Variants in TOX3 observed in about 807,000 individuals in gnomAD.
TOX3 encodes the protein CAG trinucleotide repeat-containing gene F9 protein.
TOX3 carries 22 observed loss-of-function variants against 64.3 expected under a neutral mutation model. The observed-to-expected ratio is 0.34, with a 90% CI of 0.24 to 0.49. TOX3 has a LOEUF of 0.49. Ranked by LOEUF, TOX3 falls within the 20% of genes least tolerant of loss-of-function variation. The probability of loss-of-function intolerance (pLI) is 0.99; values close to 1 mark genes in which losing one functional copy is unlikely to be tolerated. For missense variants in TOX3, 661 were observed against 714.4 expected, an observed-to-expected ratio of 0.93 and a Z score of 0.85; for synonymous variants, 291 against 273.6, an observed-to-expected ratio of 1.06 and a Z score of -0.63.
chr16:52,492,264 T>G (rs1961708380), intron 1 of TOX3, among the ~76,000 whole-genome samples: 2 of 146,950 alleles, frequency 1.4e-5, no homozygotes, highest in East Asian at 3.9e-4. Context: ...ACAATATAAA[T>G]ATATAATGGT....
intron 1 of TOX3, 68 bp downstream of exon 1, chr16:52,546,569 G>A (rs1380204156): frequency 1.4e-6 from 2 of 1,443,420 alleles, no homozygotes; most frequent in South Asian, 1.3e-5. Flanking sequence ...CGGTGAGCCC[G>A]AGCGCGGGGC....
In TOX3 at chr16:52,482,991, T is replaced by G. The variant is rs563185367; in HGVS notation, c.88-14417A>C. 1.4e-3 allele frequency among the ~76,000 whole-genome samples: 219 copies of G among 152,136 alleles called. 2 individuals carry two copies. The highest frequency in any genetic ancestry group is 5.1e-3 in the African/African-American group (210 of 41,506). On this transcript the variant is annotated intron_variant, in intron 1 of 6. Transcript: ENST00000219746. ...ACTGCAGCTGCCTTCATATCAAGAT[T>G]AATATTGAAAATAAACCCCGTATAA...
At chr16:52,440,066 C>A in intron 6 of TOX3, 98 bp from the exon 7 acceptor site, 2 of 1,011,868 alleles carry the variant, frequency 2.0e-6, no homozygotes, top group Non-Finnish European at 2.8e-6. Flanking sequence ...TTTTTAACGG[C>A]CACCATTATT....
chr16:52,528,771 T>C (rs1328755840), intron 1 of TOX3, among the ~76,000 whole-genome samples: 1 of 152,190 alleles, frequency 6.6e-6, no homozygotes, highest in African/African-American at 2.4e-5. Context: ...GTGAAGTACA[T>C]TTGTATTGCC....
intron 3 of TOX3, among the ~76,000 whole-genome samples, chr16:52,462,852 A>G (rs1960733178): frequency 6.6e-6 from 1 of 152,104 alleles, no homozygotes; most frequent in Admixed American, 6.5e-5. Context: ...AAAAAAAAAA[A>G]AGTAAAAAAT....
intron 1 of TOX3, among the ~76,000 whole-genome samples, chr16:52,507,926 G>T (rs1962204191): frequency 6.6e-6 from 1 of 152,166 alleles, no homozygotes; most frequent in Non-Finnish European, 1.5e-5. Flanking sequence ...AGGTAAATCA[G>T]ATGACTGAAC....
In TOX3 at chr16:52,529,843, A is replaced by T. The variant is rs192748320; in HGVS notation, c.87+16794T>A. Among the ~76,000 whole-genome samples, 70 of 152,234 alleles carry T rather than the reference A, an allele frequency of 4.6e-4. 1 individual carries two copies. The highest frequency in any genetic ancestry group is 3.4e-3 in the Middle Eastern group (1 of 294). ...CTATACATTGTAAATAGAACTTTTT[A>T]AAAAAAATGATGTTCACGAAACTAT... On this transcript the variant is annotated intron_variant, in intron 1 of 6. Coordinates refer to ENST00000219746, the MANE Select transcript of TOX3 (RefSeq NM_001080430.4).
intron 1 of TOX3, chr16:52,519,683 C>A (rs561945731): frequency 2.7e-6 from 3 of 1,097,908 alleles, no homozygotes; most frequent in African/African-American, 3.2e-5. Context: ...ATGGGCTGGG[C>A]GCAGTCGCTC....
intron 3 of TOX3, among the ~76,000 whole-genome samples, chr16:52,454,011 C>A (rs1341815183): frequency 6.6e-6 from 1 of 152,154 alleles, no homozygotes; most frequent in Non-Finnish European, 1.5e-5. Context: ...TAGTACTATA[C>A]TTATTCTTAG....
At chr16:52,482,348 G>T (rs1961391065) in intron 1 of TOX3, among the ~76,000 whole-genome samples, 1 of 152,114 alleles carries the variant, frequency 6.6e-6, no homozygotes, top group African/African-American at 2.4e-5. Context: ...TTAAAAAGAT[G>T]TGATTATACA....
intron 1 of TOX3, among the ~76,000 whole-genome samples, chr16:52,524,712 C>T (rs919347588): frequency 6.6e-6 from 1 of 152,132 alleles, no homozygotes; most frequent in Admixed American, 6.5e-5. Flanking sequence ...GCAGCATGGC[C>T]CTTGAAGCAC....
intron 1 of TOX3, among the ~76,000 whole-genome samples, chr16:52,507,871 T>C (rs1275203932): frequency 6.6e-6 from 1 of 152,208 alleles, no homozygotes; most frequent in African/African-American, 2.4e-5. Context: ...AAGTAAATAA[T>C]GGCTTCAAAT....
intron 2 of TOX3, among the ~76,000 whole-genome samples, chr16:52,464,977 T>TCAAGAC (rs1960811736): frequency 6.9e-6 from 1 of 145,650 alleles, no homozygotes. Context: ...GTATTATATC[T>TCAAGAC]CAAGACCTAA....
chr16:52,468,904 C>T (rs1354685357), intron 1 of TOX3, among the ~76,000 whole-genome samples: 1 of 152,108 alleles, frequency 6.6e-6, no homozygotes, highest in African/African-American at 2.4e-5. Context: ...AAAAGAGTTT[C>T]CAAGAAAATC....
At chr16:52,521,232 A>T (rs1962600052) in intron 1 of TOX3, among the ~76,000 whole-genome samples, 1 of 152,198 alleles carries the variant, frequency 6.6e-6, no homozygotes, top group Non-Finnish European at 1.5e-5. Flanking sequence ...TGAAAGGAAA[A>T]TGGAAATGCT....
intron 1 of TOX3, among the ~76,000 whole-genome samples, chr16:52,516,632 C>T (rs1192424012): frequency 6.6e-6 from 1 of 152,048 alleles, no homozygotes; most frequent in East Asian, 1.9e-4. Context: ...ATATGCTACC[C>T]ATAAAGGTTT....
intron 3 of TOX3, among the ~76,000 whole-genome samples, chr16:52,454,570 A>G (rs1960458992): frequency 1.3e-5 from 2 of 152,210 alleles, no homozygotes. Context: ...TTAGGGCCAC[A>G]AATTATTAAC....
chr16:52,467,552 G>A (rs1960904298), intron 2 of TOX3, among the ~76,000 whole-genome samples: 1 of 152,118 alleles, frequency 6.6e-6, no homozygotes, highest in Non-Finnish European at 1.5e-5. Context: ...GGTCAAGCTA[G>A]TTCAGTTTCC....
rs61743755 is a variant in TOX3, at chr16:52,439,807, G to A, written c.1149C>T (p.Ile383=). ...GTCTCATGGTTAAGGGTTTGGGAGCGATTGACCTAGGGAGGGATTGCTGGA... is the reference window on the plus strand; with the variant it reads ...GTCTCATGGTTAAGGGTTTGGGAGCAATTGACCTAGGGAGGGATTGCTGGA... ...QTLQQSLPRS[I]APKPLTMRLP... The change falls in exon 7 of 7, where the codon ATC becomes ATT. Residue 383 remains isoleucine, a synonymous_variant. Coordinates refer to ENST00000219746, the MANE Select transcript of TOX3 (RefSeq NM_001080430.4). 1,316 of 1,613,910 alleles carry A rather than the reference G, an allele frequency of 8.2e-4. 8 individuals are homozygous for A. In the African/African-American group the frequency reaches 0.015, roughly 18 times the overall value.
Sources: gnomAD v4.1 joint callset for allele counts (sites outside exome capture counted in the v4.1 genomes callset) on GRCh38, gnomAD v4.1.1 for gene constraint, MANE v1.5 for transcripts, NCBI Gene and HGNC (gene_info 2026-07-23, HGNC 2026-07-21) for gene names.